Variants in CRLS1 observed in about 807,000 individuals in gnomAD.
The protein encoded by CRLS1 is cardiolipin synthase (CMP-forming).
A neutral mutation model predicts 37.0 loss-of-function variants in CRLS1; 24 were observed. That is an observed-to-expected ratio of 0.65 (90% CI 0.47 to 0.91). The LOEUF (loss-of-function observed/expected upper bound fraction) is 0.91. Ranked by LOEUF, CRLS1 falls within the 40% of genes least tolerant of loss-of-function variation. The probability of loss-of-function intolerance (pLI) is 0.00; values close to 1 mark genes in which losing one functional copy is unlikely to be tolerated. For missense variants in CRLS1, 373 were observed against 395.8 expected (o/e 0.94, Z 0.49); for synonymous variants, 135 against 159.7 (o/e 0.85, Z 1.17).
Position 6,006,210 on chromosome 20 carries a change from CT to C in CRLS1, c.-36del, listed in dbSNP as rs2090051102. On this transcript the variant is annotated 5_prime_UTR_variant, in exon 1 of 7. Transcript: ENST00000378863. ...CGCCAGTGTCCCAGGCTGCTGAGCT[CT>C]CGCCGCCCGAGACCCCGCGGCGCGG... The C allele has an allele frequency of 8.5e-7, 1 of 1,182,928 alleles. No individual in the cohort carries two copies. The highest frequency in any genetic ancestry group is 4.2e-5 in the South Asian group (1 of 24,010). 73.3% of individuals were successfully genotyped at this position (1,182,928 alleles called of 1,614,324 possible).
chr20:6,023,377 C>T (rs1050382726), intron 3 of CRLS1: 2 of 151,970 alleles, frequency 1.3e-5, no homozygotes, highest in African/African-American at 4.8e-5. Flanking sequence ...TTTGTTCTAC[C>T]AGGTGCCTAG....
intron 1 of CRLS1, among the ~76,000 whole-genome samples, chr20:6,007,054 T>G (rs938595973): frequency 6.6e-6 from 1 of 152,032 alleles, no homozygotes; most frequent in Non-Finnish European, 1.5e-5. Context: ...CTTTTAACCT[T>G]TAATTATAGA....
rs951340160 is a variant in CRLS1, at chr20:6,006,349, C to T, written c.103C>T (p.Leu35=). The T allele has an allele frequency of 2.2e-6, 3 of 1,382,924 alleles. No homozygotes were observed. Among genetic ancestry groups the T allele is most frequent in the South Asian group, 3.3e-5 (2 of 61,336 alleles). The allele number at this position is 1,382,924 out of a possible 1,614,324, so 85.7% of individuals were successfully genotyped here. ...TAAGCGACGCGCCTGCTGGGCCCTG[C>T]TGCCGCCCGTGCCCTGCTGCTTGGG... ...PSKRRACWAL[L]PPVPCCLGCL... Residue 35 remains leucine, a synonymous_variant, in exon 1 of 7, where the codon CTG becomes TTG. Transcript: ENST00000378863.
chr20:6,020,705 C>T (rs1481756629), intron 3 of CRLS1, among the ~76,000 whole-genome samples: 1 of 151,608 alleles, frequency 6.6e-6, no homozygotes, highest in East Asian at 1.9e-4. Context: ...TCACTGCAAG[C>T]TCTGCCTCCT....
chr20:6,015,649 C>G (rs1978691272), intron 3 of CRLS1, 159 bp downstream of exon 3: 6 of 675,900 alleles, frequency 8.9e-6, no homozygotes, highest in Middle Eastern at 6.2e-4. Context: ...TTTTGTCAAA[C>G]TACTTGTGGA....
At chr20:6,020,002 C>G (rs1979129277) in intron 3 of CRLS1, among the ~76,000 whole-genome samples, 1 of 151,958 alleles carries the variant, frequency 6.6e-6, no homozygotes, top group South Asian at 2.1e-4. Flanking sequence ...TAGATCAATT[C>G]TGTCTAGAAA....
At chr20:6,032,183 G>A in intron 5 of CRLS1, 103 bp downstream of exon 5, 1 of 912,170 alleles carries the variant, frequency 1.1e-6, no homozygotes, top group Non-Finnish European at 1.8e-6. Context: ...AAATTTAAAT[G>A]CATTGAGTAT....
chr20:6,024,683 C>A (rs914608690), intron 3 of CRLS1, among the ~76,000 whole-genome samples: 1 of 152,148 alleles, frequency 6.6e-6, no homozygotes, highest in Non-Finnish European at 1.5e-5. Flanking sequence ...AAAGCTAGGC[C>A]GGTTGTGCCA....
At chr20:6,006,787 C>T (rs2090062567) in intron 1 of CRLS1, 1 of 985,326 alleles carries the variant, frequency 1.0e-6, no homozygotes, top group Non-Finnish European at 1.2e-6. Context: ...CCCCTTCTAT[C>T]TGCACCCGTT....
intron 3 of CRLS1, among the ~76,000 whole-genome samples, chr20:6,016,431 T>G (rs572196547): frequency 2.0e-5 from 3 of 147,638 alleles, no homozygotes; most frequent in African/African-American, 7.6e-5. Context: ...AGAATTGAGG[T>G]GTGTATGTGA....
At chr20:6,022,216 G>T (rs1979330612) in intron 3 of CRLS1, among the ~76,000 whole-genome samples, 1 of 151,594 alleles carries the variant, frequency 6.6e-6, no homozygotes, top group Admixed American at 6.6e-5. Context: ...TATTCTTGAA[G>T]AATATTTTTG....
At chr20:6,024,837 A>G (rs1397793240) in intron 3 of CRLS1, among the ~76,000 whole-genome samples, 2 of 152,232 alleles carry the variant, frequency 1.3e-5, no homozygotes, top group East Asian at 3.8e-4. Context: ...ATAGAAGATC[A>G]CGTCAGCCAA....
At chr20:6,023,488 T>C (rs1979431650) in intron 3 of CRLS1, 1 of 152,210 alleles carries the variant, frequency 6.6e-6, no homozygotes, top group Non-Finnish European at 1.5e-5. Context: ...CCTGTGGGAA[T>C]AGTCATTCAT....
At chr20:6,030,470 C>T (rs185807539) in intron 3 of CRLS1, among the ~76,000 whole-genome samples, 73 of 152,224 alleles carry the variant, frequency 4.8e-4, no homozygotes, top group Non-Finnish European at 7.2e-4. Flanking sequence ...TGCATGTAAT[C>T]CCAGCATTTT....
At chr20:6,028,676 T>C (rs990401718) in intron 3 of CRLS1, 2 of 152,240 alleles carry the variant, frequency 1.3e-5, no homozygotes, top group Admixed American at 6.5e-5. Flanking sequence ...TTACAGCTAC[T>C]CAGCTCTGCT....
Position 6,015,363 on chromosome 20 carries a change from G to A in CRLS1, c.447G>A (p.Leu149=). The part of the protein sequence containing the change: ...VFALAGLTDL[L]DGFIARNWAN... ...TAAAAAAAAACTTCTATTTTCAGTT[G>A]GATGGATTTATTGCTCGAAACTGGG... is the stretch of plus-strand genomic sequence containing the variant. The change falls in exon 3 of 7, where the codon TTG becomes TTA. Residue 149 remains leucine (L), a splice_region_variant and synonymous_variant. Coordinates refer to ENST00000378863, the MANE Select transcript of CRLS1 (RefSeq NM_019095.6). The A allele has an allele frequency of 6.3e-7, 1 of 1,575,486 alleles. No homozygotes were observed. The highest frequency in any genetic ancestry group is 8.6e-7 in the Non-Finnish European group (1 of 1,159,544).
intron 5 of CRLS1, 124 bp downstream of exon 5, chr20:6,032,204 G>A (rs1380910045): frequency 5.7e-5 from 41 of 719,294 alleles, no homozygotes; most frequent in Non-Finnish European, 5.4e-5. Context: ...AGAGGCTAGA[G>A]AGTAGCGTTG....
At chr20:6,036,968 A>T in intron 6 of CRLS1, 106 bp from the exon 7 acceptor site, 1 of 783,380 alleles carries the variant, frequency 1.3e-6, no homozygotes, top group African/African-American at 1.7e-5. Context: ...TTACTTTTTA[A>T]ATTCATTTTT....
At chr20:6,009,492 C>G (rs548364505) in intron 1 of CRLS1, among the ~76,000 whole-genome samples, 1 of 151,772 alleles carries the variant, frequency 6.6e-6, no homozygotes, top group Non-Finnish European at 1.5e-5. Context: ...GTCTCTAATT[C>G]CTGGGCTTAA....
Sources: gnomAD v4.1 joint callset for allele counts (sites outside exome capture counted in the v4.1 genomes callset) on GRCh38, gnomAD v4.1.1 for gene constraint, MANE v1.5 for transcripts, NCBI Gene and HGNC (gene_info 2026-07-23, HGNC 2026-07-21) for gene names.